FGF14: variants seen among roughly 807,000 people sequenced by gnomAD.
FGF14 encodes the protein fibroblast growth factor 14.
Under a neutral mutation model 25.5 loss-of-function variants are expected in FGF14, and 5 were observed. The observed-to-expected ratio is 0.20, with a 90% CI of 0.10 to 0.41. The LOEUF (loss-of-function observed/expected upper bound fraction) is 0.41. FGF14 is among the 10% of genes least tolerant of loss of function. FGF14 has a pLI of 1.00. For missense variants in FGF14, 222 were observed against 320.1 expected, an observed-to-expected ratio of 0.69 and a Z score of 2.34; for synonymous variants, 138 against 118.3, an observed-to-expected ratio of 1.17 and a Z score of -1.08.
intron 1 of FGF14, among the ~76,000 whole-genome samples, chr13:102,163,326 T>A (rs1354532342): frequency 6.6e-6 from 1 of 152,086 alleles, no homozygotes; most frequent in African/African-American, 2.4e-5. Context: ...TTGTGTAATA[T>A]GGTCTACCGG....
At chr13:102,321,754 A>C (rs1423597457) in intron 1 of FGF14, among the ~76,000 whole-genome samples, 1 of 152,208 alleles carries the variant, frequency 6.6e-6, no homozygotes. Flanking sequence ...CAGGAGCATT[A>C]AGTATATGAT....
chr13:102,159,410 A>T (rs886519596), intron 1 of FGF14, among the ~76,000 whole-genome samples: 1 of 152,190 alleles, frequency 6.6e-6, no homozygotes, highest in Non-Finnish European at 1.5e-5. Flanking sequence ...ATCAGTACAG[A>T]GTACAAAAGT....
At chr13:101,844,226 A>C (rs1447725901) in intron 3 of FGF14, among the ~76,000 whole-genome samples, 1 of 152,016 alleles carries the variant, frequency 6.6e-6, no homozygotes, top group African/African-American at 2.4e-5. Flanking sequence ...ATTTACTAAA[A>C]CCAGGAAGAC....
chr13:102,317,796 AT>A (rs2056091151), intron 1 of FGF14, among the ~76,000 whole-genome samples: 1 of 152,020 alleles, frequency 6.6e-6, no homozygotes, highest in East Asian at 1.9e-4. Context: ...TAAGAGCTGG[AT>A]TTCCTGTCCC....
At chr13:102,330,220 T>C (rs768569029) in intron 1 of FGF14, among the ~76,000 whole-genome samples, 4 of 152,108 alleles carry the variant, frequency 2.6e-5, no homozygotes, top group African/African-American at 9.7e-5. Flanking sequence ...AATGAGAAAA[T>C]AGAAGTAAAC....
At chr13:102,321,155 T>C (rs892886661) in intron 1 of FGF14, among the ~76,000 whole-genome samples, 5 of 152,160 alleles carry the variant, frequency 3.3e-5, no homozygotes, top group Admixed American at 6.5e-5. Context: ...CTATATATCC[T>C]TGGACAGACC....
At chr13:101,873,884 A>C (rs1405618759) in intron 2 of FGF14, among the ~76,000 whole-genome samples, 1 of 152,096 alleles carries the variant, frequency 6.6e-6, no homozygotes, top group Non-Finnish European at 1.5e-5. Context: ...TAAACCAATA[A>C]ACAAACATAA....
intron 3 of FGF14, among the ~76,000 whole-genome samples, chr13:101,835,830 G>A (rs2042897119): frequency 6.6e-6 from 1 of 151,940 alleles, no homozygotes; most frequent in African/African-American, 2.4e-5. Context: ...AAGATTTCAA[G>A]AAAACTTGAG....
At chr13:101,984,112 G>A (rs2038425986) in intron 1 of FGF14, among the ~76,000 whole-genome samples, 1 of 152,034 alleles carries the variant, frequency 6.6e-6, no homozygotes, top group South Asian at 2.1e-4. Context: ...ACTGCTGTGG[G>A]AACTAAACAA....
chr13:102,143,271 G>T (rs970286853), intron 1 of FGF14, among the ~76,000 whole-genome samples: 5 of 152,132 alleles, frequency 3.3e-5, no homozygotes, highest in Non-Finnish European at 7.4e-5. Context: ...GTTTTCACAA[G>T]TATGGGGGGT....
At chr13:101,750,327 T>G (rs571732753) in intron 3 of FGF14, among the ~76,000 whole-genome samples, 11 of 152,132 alleles carry the variant, frequency 7.2e-5, no homozygotes, top group Admixed American at 2.0e-4. Context: ...CTTACTGATA[T>G]AGAGCACTTG....
chr13:101,796,766 C>T (rs1464232920), intron 3 of FGF14, among the ~76,000 whole-genome samples: 1 of 152,000 alleles, frequency 6.6e-6, no homozygotes, highest in African/African-American at 2.4e-5. Flanking sequence ...AGAATTCCAG[C>T]CTCCAAAACT....
At chr13:102,091,981 AAGGCCTGG>A in intron 1 of FGF14, among the ~76,000 whole-genome samples, 1 of 152,196 alleles carries the variant, frequency 6.6e-6, no homozygotes, top group Non-Finnish European at 1.5e-5. Context: ...CATTTGAAAT[AAGGCCTGG>A]TGATAAGTTT....
chr13:101,938,290 A>AT (rs2035233523), intron 1 of FGF14, among the ~76,000 whole-genome samples: 1 of 152,350 alleles, frequency 6.6e-6, no homozygotes, highest in Non-Finnish European at 1.5e-5. Flanking sequence ...ACAACAAAAA[A>AT]AATCCATTGG....
At chr13:102,201,581 A>G (rs1456456535) in intron 1 of FGF14, among the ~76,000 whole-genome samples, 5 of 152,230 alleles carry the variant, frequency 3.3e-5, no homozygotes, top group Non-Finnish European at 5.9e-5. Flanking sequence ...GAACACATGC[A>G]TTTGATTCTT....
chr13:102,086,417 C>T (rs941278382), intron 1 of FGF14, among the ~76,000 whole-genome samples: 2 of 152,000 alleles, frequency 1.3e-5, no homozygotes, highest in African/African-American at 4.8e-5. Context: ...GTAGTCCCAG[C>T]TACTCGGGAG....
At chr13:102,295,079 T>C (rs2054629311) in intron 1 of FGF14, among the ~76,000 whole-genome samples, 1 of 152,206 alleles carries the variant, frequency 6.6e-6, no homozygotes, top group Non-Finnish European at 1.5e-5. Context: ...TTATTTTAAG[T>C]TGGCCACCCA....
intron 3 of FGF14, among the ~76,000 whole-genome samples, chr13:101,729,939 A>T (rs2035698578): frequency 6.6e-6 from 1 of 152,214 alleles, no homozygotes; most frequent in Admixed American, 6.5e-5. Flanking sequence ...AATAAATGGT[A>T]TTGTGAAAGG....
rs1461674852 is a variant in FGF14, at chr13:101,718,236, TTGTGTGTGTA to T, written c.*4585_*4594del. 3.3e-5 allele frequency: 5 copies of T among 152,050 alleles called. No individual in the cohort carries two copies. The highest frequency in any genetic ancestry group is 2.1e-4 in the South Asian group (1 of 4,822). 9.4% of individuals were successfully genotyped at this position (152,050 alleles called of 1,614,324 possible). On this transcript the variant is annotated 3_prime_UTR_variant, in exon 5 of 5. Coordinates refer to ENST00000376143, the MANE Select transcript of FGF14 (RefSeq NM_004115.4). ...ACTATGTTTGTGTGTATGTGTGTGTTTGTGTGTGTATGTGTGGTTTTGATGCCAGCAATGC... is the reference window on the plus strand; with the variant it reads ...ACTATGTTTGTGTGTATGTGTGTGTTTGTGTGGTTTTGATGCCAGCAATGC...
Sources: allele counts gnomAD v4.1 joint callset (sites outside exome capture counted in the v4.1 genomes callset), GRCh38; gene constraint gnomAD v4.1.1; transcripts MANE v1.5; gene names NCBI Gene and HGNC (gene_info 2026-07-23, HGNC 2026-07-21).